The following CUX1 variants were observed in gnomAD, a reference collection of about 807,000 sequenced individuals.
The protein encoded by CUX1 is protein CASP.
CUX1 carries 31 observed loss-of-function variants against 158.8 expected under a neutral mutation model. The ratio of observed to expected loss-of-function variants is 0.20; its 90% CI spans 0.15 to 0.26. CUX1 has a LOEUF of 0.26. Ranked by LOEUF, CUX1 falls within the 10% of genes least tolerant of loss-of-function variation. The pLI is 1.00. For missense variants in CUX1, 1,589 were observed against 2,014.6 expected, an observed-to-expected ratio of 0.79 and a Z score of 4.04; for synonymous variants, 879 against 862.1, an observed-to-expected ratio of 1.02 and a Z score of -0.34.
chr7:101,939,624 G>A (rs1400437561), intron 2 of CUX1, among the ~76,000 whole-genome samples: 1 of 152,028 alleles, frequency 6.6e-6, no homozygotes, highest in Non-Finnish European at 1.5e-5. Flanking sequence ...TTGAGCCCAG[G>A]AGTTTGAGAC....
intron 1 of CUX1, among the ~76,000 whole-genome samples, chr7:101,907,861 G>A (rs989348819): frequency 6.6e-6 from 1 of 152,062 alleles, no homozygotes; most frequent in African/African-American, 2.4e-5. Flanking sequence ...GCTTACCCCT[G>A]TAACCCCAGC....
intron 5 of CUX1, among the ~76,000 whole-genome samples, 192 bp from the exon 6 acceptor site, chr7:102,104,144 G>A (rs1057266121): frequency 1.1e-4 from 16 of 151,650 alleles, no homozygotes; most frequent in African/African-American, 3.6e-4. Flanking sequence ...CAGCCTAAAC[G>A]TTTAAAGTTC....
chr7:101,985,412 G>A (rs1814168166), intron 2 of CUX1, among the ~76,000 whole-genome samples: 1 of 152,168 alleles, frequency 6.6e-6, no homozygotes, highest in Non-Finnish European at 1.5e-5. Context: ...GGGGCCAAGA[G>A]GAGCGTTCTG....
chr7:102,143,383 A>C (rs1244122171), intron 8 of CUX1, among the ~76,000 whole-genome samples: 6 of 151,866 alleles, frequency 4.0e-5, no homozygotes, highest in African/African-American at 1.5e-4. Flanking sequence ...ATCCACCCAC[A>C]TCAGTCTCCA....
intron 2 of CUX1, among the ~76,000 whole-genome samples, chr7:101,973,337 C>T (rs142097880): frequency 1.3e-5 from 2 of 152,142 alleles, no homozygotes; most frequent in Non-Finnish European, 2.9e-5. Flanking sequence ...ACGTTCATCA[C>T]GGCTCCCAGA....
chr7:102,063,366 A>G (rs1825151872), intron 3 of CUX1, among the ~76,000 whole-genome samples: 1 of 141,744 alleles, frequency 7.1e-6, no homozygotes, highest in African/African-American at 2.7e-5. Context: ...CTCTTTACAT[A>G]TTAAGTATTT....
rs776694205 is a variant in CUX1 at position 102,070,598 on chromosome 7, G to A, written c.268+181G>A. Among the ~76,000 whole-genome samples the A allele has an allele frequency of 1.2e-3, 189 of 152,180 alleles. 2 individuals are homozygous for A. The highest frequency in any genetic ancestry group is 0.011 in the Admixed American group (164 of 15,272). The stretch of plus-strand genomic sequence containing the variant: ...TCTTCACAACCCAGACTTTGGGTAC[G>A]GAGGGAAATTGGATGCACTTGTTGA... On this transcript the variant is annotated intron_variant, in intron 4 of 23. Coordinates refer to ENST00000292535, the MANE Select transcript of CUX1 (RefSeq NM_181552.4).
chr7:102,029,363 G>A (rs569780553), intron 3 of CUX1, among the ~76,000 whole-genome samples: 83 of 152,094 alleles, frequency 5.5e-4, no homozygotes, highest in African/African-American at 1.7e-3. Context: ...AGATATGGCC[G>A]TGAGATACAG....
At chr7:102,016,426 C>T (rs989730894) in intron 2 of CUX1, among the ~76,000 whole-genome samples, 2 of 152,186 alleles carry the variant, frequency 1.3e-5, no homozygotes, top group Non-Finnish European at 2.9e-5. Context: ...AAAACAGGGC[C>T]GGAAGGCCCA....
intron 1 of CUX1, among the ~76,000 whole-genome samples, chr7:101,849,912 AT>A (rs71106570): frequency 0.016 from 1,987 of 124,164 alleles, 11 homozygotes; most frequent in African/African-American, 0.041. Flanking sequence ...GTCTCATGCA[AT>A]TTTTTTTTTT....
At chr7:101,829,271 G>T (rs1429448878) in intron 1 of CUX1, among the ~76,000 whole-genome samples, 1 of 152,064 alleles carries the variant, frequency 6.6e-6, no homozygotes, top group Non-Finnish European at 1.5e-5. Context: ...TGTAGGATTG[G>T]GTTCCACATA....
At chr7:102,087,367 G>T (rs1828053245) in intron 4 of CUX1, among the ~76,000 whole-genome samples, 1 of 152,104 alleles carries the variant, frequency 6.6e-6, no homozygotes, top group South Asian at 2.1e-4. Flanking sequence ...GATCACCTGA[G>T]GTCAGCAGTT....
chr7:101,922,763 C>G (rs1183916585), intron 2 of CUX1, among the ~76,000 whole-genome samples: 3 of 152,102 alleles, frequency 2.0e-5, no homozygotes, highest in African/African-American at 7.2e-5. Context: ...GGGCTGGGTG[C>G]TGGGGAGTGG....
At chr7:102,026,025 G>A (rs1819981140) in intron 2 of CUX1, among the ~76,000 whole-genome samples, 1 of 151,970 alleles carries the variant, frequency 6.6e-6, no homozygotes, top group South Asian at 2.1e-4. Flanking sequence ...AAAAAAATAA[G>A]AAAATTAGCA....
At chr7:102,175,665 T>C (rs1374816563) in intron 10 of CUX1, among the ~76,000 whole-genome samples, 6 of 151,662 alleles carry the variant, frequency 4.0e-5, no homozygotes, top group African/African-American at 9.7e-5. Flanking sequence ...CCGCCAGCCC[T>C]CCCGAGGCCC....
At chr7:101,829,151 G>A (rs2131004323) in intron 1 of CUX1, among the ~76,000 whole-genome samples, 1 of 152,176 alleles carries the variant, frequency 6.6e-6, no homozygotes, top group African/African-American at 2.4e-5. Flanking sequence ...GTGGGGTGAA[G>A]AATTAACTTG....
chr7:101,876,298 T>C lies in CUX1; in HGVS notation c.31-39817T>C, dbSNP rs1584849664. On this transcript the variant is annotated intron_variant, in intron 1 of 23. Coordinates refer to ENST00000292535, the MANE Select transcript of CUX1 (RefSeq NM_181552.4). ...AGGCGGAGGTTGCAGTGAGCCGAGA[T>C]GGTGCCACTGCGTTCCAGCCTGGGC... 2.0e-5 allele frequency among the ~76,000 whole-genome samples: 3 copies of C among 146,614 alleles called. No homozygotes were observed. The East Asian group carries it at 5.9e-4, about 29-fold the overall frequency.
intron 20 of CUX1, among the ~76,000 whole-genome samples, chr7:102,213,934 A>G (rs963616958): frequency 1.3e-5 from 2 of 152,144 alleles, no homozygotes; most frequent in Non-Finnish European, 2.9e-5. Context: ...GGAGTTCAAG[A>G]CCGGCCTGGC....
chr7:101,938,405 C>G (rs1331040563), intron 2 of CUX1, among the ~76,000 whole-genome samples: 2 of 152,196 alleles, frequency 1.3e-5, no homozygotes, highest in African/African-American at 4.8e-5. Flanking sequence ...CTGTGCCTGG[C>G]CGATATCCAC....
Sources: allele counts gnomAD v4.1 joint callset (sites outside exome capture counted in the v4.1 genomes callset), GRCh38; gene constraint gnomAD v4.1.1; transcripts MANE v1.5; gene names NCBI Gene and HGNC (gene_info 2026-07-23, HGNC 2026-07-21).